ITPK1: variants seen among roughly 807,000 people sequenced by gnomAD.
The protein encoded by ITPK1 is inositol 1,3,4-trisphosphate 5/6-kinase.
Under a neutral mutation model 45.3 loss-of-function variants are expected in ITPK1, and 21 were observed. The observed-to-expected ratio is 0.46, with a 90% confidence interval of 0.33 to 0.67. The LOEUF (loss-of-function observed/expected upper bound fraction) is 0.67, where lower values mean the gene tolerates loss of function less well. Ranked by LOEUF, ITPK1 falls within the 30% of genes least tolerant of loss-of-function variation. The pLI is 0.02. For synonymous variants in ITPK1, 258 were observed against 253.6 expected, an observed-to-expected ratio of 1.02 and a Z score of -0.16; for missense variants, 474 against 573.5, an observed-to-expected ratio of 0.83 and a Z score of 1.77.
chr14:93,018,134 C>T (rs1268311190), intron 3 of ITPK1, among the ~76,000 whole-genome samples: 1 of 152,176 alleles, frequency 6.6e-6, no homozygotes, highest in East Asian at 1.9e-4. Flanking sequence ...GTCGGGCCAA[C>T]TGGAGGCACA....
At chr14:93,110,421 T>TG (rs1892704846) in intron 2 of ITPK1, among the ~76,000 whole-genome samples, 1 of 152,208 alleles carries the variant, frequency 6.6e-6, no homozygotes, top group African/African-American at 2.4e-5. Flanking sequence ...CCTTCCTCCC[T>TG]GCAGAGAATC....
In ITPK1 at chr14:93,109,987, G is replaced by A. The variant is rs531249286; in HGVS notation, c.95+5082C>T. 1.4e-3 allele frequency among the ~76,000 whole-genome samples: 207 copies of A among 152,312 alleles called. 1 individual carries two copies. Among genetic ancestry groups the A allele is most frequent in the African/African-American group, 4.8e-3 (198 of 41,560 alleles). Reference sequence around the variant, plus strand: ...GGCCGCCGCCACTGACAGAATTCCAGGCACTATCCTGGACCCTTTAGCAAA... The same window carrying A: ...GGCCGCCGCCACTGACAGAATTCCAAGCACTATCCTGGACCCTTTAGCAAA... On this transcript the variant is annotated intron_variant, in intron 2 of 10. Coordinates refer to ENST00000267615, the MANE Select transcript of ITPK1 (RefSeq NM_014216.6).
In ITPK1 at chr14:92,993,862, T is replaced by C; in HGVS notation, c.364+18A>G. 1 of 1,509,110 alleles carries C rather than the reference T, an allele frequency of 6.6e-7. No individual in the cohort carries two copies. 93.5% of individuals were successfully genotyped at this position (1,509,110 alleles called of 1,614,324 possible). On this transcript the variant is annotated intron_variant, in intron 5 of 10. Coordinates refer to ENST00000267615, the MANE Select transcript of ITPK1 (RefSeq NM_014216.6). ...AGGTGGCTGCCTGCCACGGATGTGG[T>C]GCCACACGTGTCCCTACCTTCCATG...
At chr14:93,070,017 T>C (rs1020443414) in intron 3 of ITPK1, 1 of 152,228 alleles carries the variant, frequency 6.6e-6, no homozygotes, top group Non-Finnish European at 1.5e-5. Context: ...TCTCAAGGAA[T>C]GTGGATGGAG....
chr14:92,960,097 T>C (rs1357830148), intron 7 of ITPK1, among the ~76,000 whole-genome samples: 2 of 152,218 alleles, frequency 1.3e-5, no homozygotes, highest in East Asian at 3.8e-4. Context: ...ACATGCCCCG[T>C]CTGCACAGAG....
intron 2 of ITPK1, among the ~76,000 whole-genome samples, chr14:93,111,508 C>T (rs1892752269): frequency 6.6e-6 from 1 of 152,108 alleles, no homozygotes; most frequent in South Asian, 2.1e-4. Context: ...GTCAGGAGTT[C>T]GAGACCAGCC....
At chr14:92,941,961 GGGAGGA>G (rs371485914) in intron 10 of ITPK1, 57 bp from the exon 11 acceptor site, 1 of 1,476,750 alleles carries the variant, frequency 6.8e-7, no homozygotes, top group Non-Finnish European at 9.3e-7. Flanking sequence ...GCATCATGCA[GGGAGGA>G]GGAGGAGGAG....
chr14:93,097,410 C>G (rs139251047), intron 2 of ITPK1, among the ~76,000 whole-genome samples: 4 of 152,150 alleles, frequency 2.6e-5, no homozygotes, highest in Non-Finnish European at 5.9e-5. Flanking sequence ...AGAAGGAGGC[C>G]AGGTCATGCC....
intron 5 of ITPK1, among the ~76,000 whole-genome samples, chr14:92,982,103 G>A (rs931084660): frequency 9.2e-5 from 14 of 152,234 alleles, no homozygotes; most frequent in African/African-American, 3.4e-4. Context: ...GACAGGGCCT[G>A]GAGAGATGCA....
chr14:93,019,860 A>T (rs1184829061), intron 3 of ITPK1, among the ~76,000 whole-genome samples: 2 of 152,150 alleles, frequency 1.3e-5, no homozygotes, highest in African/African-American at 4.8e-5. Flanking sequence ...TGCGATGGGG[A>T]CAGGAACTCA....
At chr14:93,026,101 G>A (rs1358630014) in intron 3 of ITPK1, among the ~76,000 whole-genome samples, 2 of 151,908 alleles carry the variant, frequency 1.3e-5, no homozygotes, top group African/African-American at 4.8e-5. Flanking sequence ...ACAGAGTGAG[G>A]CCCTGTCTAA....
Position 93,023,321 on chromosome 14 carries a change from G to C in ITPK1, c.121-6520C>G, listed in dbSNP as rs117046756. Among the ~76,000 whole-genome samples the C allele has an allele frequency of 1.4e-3, 219 of 152,344 alleles. 1 individual carries two copies. In the East Asian group the frequency reaches 0.034, roughly 24 times the overall value. Reference sequence around the variant, plus strand: ...TCCTGGGCAGAGCATGTAACTGCAGGAGTAAGGTCTCCAGAGCCCTCTCTC... The same window carrying C: ...TCCTGGGCAGAGCATGTAACTGCAGCAGTAAGGTCTCCAGAGCCCTCTCTC... On this transcript the variant is annotated intron_variant, in intron 3 of 10. Transcript: ENST00000267615.
chr14:92,971,826 G>T (rs1278793347), intron 5 of ITPK1, among the ~76,000 whole-genome samples: 1 of 152,188 alleles, frequency 6.6e-6, no homozygotes, highest in Non-Finnish European at 1.5e-5. Flanking sequence ...GCCCATGAGG[G>T]GCATTCGGAA....
intron 5 of ITPK1, among the ~76,000 whole-genome samples, chr14:92,989,951 C>T (rs1307723999): frequency 2.0e-5 from 3 of 152,106 alleles, no homozygotes; most frequent in South Asian, 2.1e-4. Flanking sequence ...GGTCACAGGC[C>T]GAGGCCAAAC....
At chr14:92,962,467 G>T (rs996590883) in intron 6 of ITPK1, 72 bp from the exon 7 acceptor site, 9 of 1,014,366 alleles carry the variant, frequency 8.9e-6, no homozygotes, top group African/African-American at 6.3e-5. Flanking sequence ...TACTTGGCAC[G>T]TCTAGAAAGG....
intron 5 of ITPK1, among the ~76,000 whole-genome samples, chr14:92,968,538 A>C (rs1372030936): frequency 6.6e-6 from 1 of 152,144 alleles, no homozygotes; most frequent in African/African-American, 2.4e-5. Flanking sequence ...TCTGAGGTGA[A>C]GTCAGAGAAG....
intron 3 of ITPK1, among the ~76,000 whole-genome samples, chr14:93,049,536 A>G (rs1889919615): frequency 6.6e-6 from 1 of 152,146 alleles, no homozygotes; most frequent in Non-Finnish European, 1.5e-5. Context: ...CTCATAAACC[A>G]TTCTCCAGGG....
chr14:93,071,382 C>A (rs1890995884), intron 3 of ITPK1: 1 of 152,252 alleles, frequency 6.6e-6, no homozygotes, highest in East Asian at 1.9e-4. Flanking sequence ...AAGGATTTGC[C>A]TCAGGCCTGG....
chr14:92,942,450 C>T (rs554121835), intron 10 of ITPK1, among the ~76,000 whole-genome samples: 31 of 152,220 alleles, frequency 2.0e-4, no homozygotes, highest in Non-Finnish European at 3.5e-4. Context: ...TGTGGCACTA[C>T]TGAGAGAGGC....
Sources: allele counts gnomAD v4.1 joint callset (sites outside exome capture counted in the v4.1 genomes callset), GRCh38; gene constraint gnomAD v4.1.1; transcripts MANE v1.5; gene names NCBI Gene and HGNC (gene_info 2026-07-23, HGNC 2026-07-21).